ITSN1: variants seen among roughly 807,000 people sequenced by gnomAD.
ITSN1 encodes intersectin-1.
In ITSN1, 58 loss-of-function variants were observed where a neutral mutation model predicts 239.8. That is an observed-to-expected ratio of 0.24 (90% CI 0.20 to 0.30). The LOEUF (loss-of-function observed/expected upper bound fraction) is 0.30, where lower values mean the gene tolerates loss of function less well. ITSN1 is among the 10% of genes least tolerant of loss of function. The probability of loss-of-function intolerance (pLI) is 1.00; values close to 1 mark genes in which losing one functional copy is unlikely to be tolerated. For missense variants in ITSN1, 1,558 were observed against 2,103.3 expected (o/e 0.74, Z 5.07); for synonymous variants, 780 against 770.8 (o/e 1.01, Z -0.20).
At position 33,750,286 on chromosome 21, in the gene ITSN1, C is replaced by T; in HGVS notation, c.490C>T (p.Pro164Ser). The T allele has an allele frequency of 1.2e-6, 2 of 1,613,726 alleles. No individual in the cohort carries two copies. The highest frequency in any genetic ancestry group is 1.7e-6 in the Non-Finnish European group (2 of 1,180,028). ...AVPPLANGAP[P>S]VIQPLPAFAH... ...GCCCCCCCTGGCTAACGGGGCTCCCCCTGTTATACAACCTCTGCCTGCATT... is the reference window on the plus strand; with the variant it reads ...GCCCCCCCTGGCTAACGGGGCTCCCTCTGTTATACAACCTCTGCCTGCATT... Residue 164 changes from proline to serine, a missense_variant, in exon 6 of 40, where the codon CCT (proline) becomes TCT (serine). Transcript: ENST00000381318.
rs1032383933 is a variant in ITSN1, at chr21:33,899,815, G to A, written c.*11515G>A. ...AACAACTCTTTGGTCATTTTGACCT[G>A]TGTGGTTTAAATTCAAATAGTTCAT... is the stretch of plus-strand genomic sequence containing the variant. On this transcript the variant is annotated 3_prime_UTR_variant, in exon 40 of 40. Coordinates refer to ENST00000381318, the MANE Select transcript of ITSN1 (RefSeq NM_003024.3). 1 of 152,176 alleles carries A rather than the reference G, an allele frequency of 6.6e-6. No individual in the cohort carries two copies. The highest frequency in any genetic ancestry group is 2.4e-5 in the African/African-American group (1 of 41,438). 9.4% of individuals were successfully genotyped at this position (152,176 alleles called of 1,614,324 possible).
At chr21:33,887,860 G>A (rs1040368757) in intron 39 of ITSN1, among the ~76,000 whole-genome samples, 6 of 151,922 alleles carry the variant, frequency 3.9e-5, no homozygotes, top group South Asian at 2.1e-4. Context: ...CTCCTGCCTC[G>A]GCCTCCCAAA....
At chr21:33,756,166 G>C (rs2067896494) in intron 8 of ITSN1, among the ~76,000 whole-genome samples, 1 of 151,768 alleles carries the variant, frequency 6.6e-6, no homozygotes, top group South Asian at 2.1e-4. Context: ...CGGGTGTGGT[G>C]GTGGGCACCT....
intron 19 of ITSN1, 35 bp downstream of exon 19, chr21:33,799,964 TG>T (rs748979196): frequency 3.1e-6 from 5 of 1,603,412 alleles, no homozygotes; most frequent in Non-Finnish European, 4.3e-6. Flanking sequence ...TCATTTCTGT[TG>T]AAGATTAGCC....
chr21:33,826,902 G>T (rs763546361), intron 26 of ITSN1, 39 bp downstream of exon 26: 2 of 1,527,824 alleles, frequency 1.3e-6, no homozygotes, highest in African/African-American at 2.7e-5. Context: ...TCAATGTTTT[G>T]AATGTAATTG....
Position 33,888,294 on chromosome 21 carries a change from G to A in ITSN1, c.5160G>A (p.Glu1720=). The A allele has an allele frequency of 1.2e-6, 2 of 1,612,518 alleles. No individual in the cohort carries two copies. Among genetic ancestry groups the A allele is most frequent in the South Asian group, 1.1e-5 (1 of 90,916 alleles). The stretch of plus-strand genomic sequence containing the variant: ...GCTTGGACCTGCAGTTGTTTGATGA[G>A]CCGTAGGCAGCGGGCTCAGGGTGTG... ...VVRLDLQLFD[E]P is the part of the protein sequence containing the mutation. Residue 1720 remains glutamate (E), a synonymous_variant, in exon 40 of 40, where the codon GAG becomes GAA. Coordinates refer to ENST00000381318, the MANE Select transcript of ITSN1 (RefSeq NM_003024.3).
Position 33,888,601 on chromosome 21 carries a change from C to T in ITSN1, c.*301C>T, listed in dbSNP as rs949891011. 2.0e-5 allele frequency: 5 copies of T among 255,290 alleles called. No individual in the cohort carries two copies. The Admixed American group carries it at 2.6e-4, about 13-fold the overall frequency. The allele number at this position is 255,290 out of a possible 1,614,324, so 15.8% of individuals were successfully genotyped here. A position where few individuals can be genotyped will look rare whatever the true frequency, so the allele number is the denominator to read the frequency against. On this transcript the variant is annotated 3_prime_UTR_variant, in exon 40 of 40. Transcript: ENST00000381318. ...AACAGGGTGCAGCTGGGAGTCTAGC[C>T]CCTTCCCGGGCTTGAGGGATGGGTC...
intron 1 of ITSN1, among the ~76,000 whole-genome samples, chr21:33,681,525 G>T (rs2090953267): frequency 6.6e-6 from 1 of 151,692 alleles, no homozygotes; most frequent in South Asian, 2.1e-4. Context: ...CTCCAGCCTG[G>T]GCGACAGAGT....
intron 27 of ITSN1, among the ~76,000 whole-genome samples, chr21:33,831,445 TA>T (rs1244117848): frequency 6.6e-6 from 1 of 152,200 alleles, no homozygotes; most frequent in African/African-American, 2.4e-5. Context: ...TAGACTGACT[TA>T]CCCAATCTGC....
At chr21:33,836,653 G>T in intron 29 of ITSN1, 21 bp downstream of exon 29, 1 of 1,593,752 alleles carries the variant, frequency 6.3e-7, no homozygotes, top group Non-Finnish European at 8.6e-7. Flanking sequence ...TGGTGGCTCT[G>T]TCGCCTCGCC....
intron 29 of ITSN1, chr21:33,836,976 C>T (rs772187628): frequency 6.2e-7 from 1 of 1,611,256 alleles, no homozygotes; most frequent in South Asian, 1.1e-5. Flanking sequence ...TTGTTTTCCT[C>T]CTTTTTCTAG....
At chr21:33,804,396 C>G (rs1473926356) in intron 20 of ITSN1, among the ~76,000 whole-genome samples, 1 of 152,158 alleles carries the variant, frequency 6.6e-6, no homozygotes, top group Non-Finnish European at 1.5e-5. Flanking sequence ...TCAAGTCTGC[C>G]ATTCATATGT....
intron 1 of ITSN1, among the ~76,000 whole-genome samples, chr21:33,657,753 A>G (rs1034243197): frequency 3.3e-5 from 5 of 152,178 alleles, no homozygotes; most frequent in Non-Finnish European, 7.4e-5. Context: ...TGGGAGGCCA[A>G]AGTGAGAAGG....
Position 33,894,713 on chromosome 21 carries a change from C to T in ITSN1, c.*6413C>T, listed in dbSNP as rs77596640. 12,537 of 152,312 alleles carry T rather than the reference C, an allele frequency of 0.082. 742 individuals are homozygous for T. Among genetic ancestry groups the T allele is most frequent in the East Asian group, 0.24 (1,253 of 5,184 alleles). The allele number at this position is 152,312 out of a possible 1,614,324, so 9.4% of individuals were successfully genotyped here. A position where few individuals can be genotyped will look rare whatever the true frequency, so the allele number is the denominator to read the frequency against. On this transcript the variant is annotated 3_prime_UTR_variant, in exon 40 of 40. Transcript: ENST00000381318. Reference sequence around the variant, plus strand: ...ATTCCTGTGCGACTCTGCTTCTCTTCGCTTTTGCATTTCTCTTTTTTAACT... The same window carrying T: ...ATTCCTGTGCGACTCTGCTTCTCTTTGCTTTTGCATTTCTCTTTTTTAACT...
chr21:33,836,661 G>A (rs200800585), intron 29 of ITSN1, 29 bp downstream of exon 29: 373 of 1,563,532 alleles, frequency 2.4e-4, no homozygotes, highest in Middle Eastern at 3.4e-4. Context: ...CTGTCGCCTC[G>A]CCTCTCTGGT....
intron 1 of ITSN1, among the ~76,000 whole-genome samples, chr21:33,664,169 C>T (rs978155536): frequency 6.6e-6 from 1 of 152,138 alleles, no homozygotes; most frequent in Non-Finnish European, 1.5e-5. Flanking sequence ...TTATTTGGCT[C>T]ACAATTCTGA....
chr21:33,722,465 A>G, intron 3 of ITSN1, 123 bp from the exon 4 acceptor site: 1 of 1,212,586 alleles, frequency 8.2e-7, no homozygotes, highest in Non-Finnish European at 1.1e-6. Context: ...TTTATAATGC[A>G]CTCAACTGGT....
chr21:33,807,951 C>T (rs560208298), intron 20 of ITSN1, among the ~76,000 whole-genome samples: 10 of 150,668 alleles, frequency 6.6e-5, no homozygotes, highest in African/African-American at 1.5e-4. Flanking sequence ...TTTGGGAGGC[C>T]GAGGCGGGTG....
chr21:33,814,180 G>A, intron 22 of ITSN1, 108 bp downstream of exon 22: 1 of 1,202,316 alleles, frequency 8.3e-7, no homozygotes, highest in Non-Finnish European at 1.1e-6. Context: ...TGTTATGTGT[G>A]TCTTGGTTGG....
Sources: gnomAD v4.1 joint callset for allele counts (sites outside exome capture counted in the v4.1 genomes callset) on GRCh38, gnomAD v4.1.1 for gene constraint, MANE v1.5 for transcripts, NCBI Gene and HGNC (gene_info 2026-07-23, HGNC 2026-07-21) for gene names.